Variants in MTOR observed in about 807,000 individuals in gnomAD.
MTOR encodes the protein mechanistic target of rapamycin kinase.
MTOR carries 70 observed loss-of-function variants against 319.8 expected under a neutral mutation model. The observed-to-expected ratio is 0.22, with a 90% CI of 0.18 to 0.27. The LOEUF (loss-of-function observed/expected upper bound fraction) is 0.27, where lower values mean the gene tolerates loss of function less well. Ranked by LOEUF, MTOR falls within the 10% of genes least tolerant of loss-of-function variation. MTOR has a pLI of 1.00. For synonymous variants in MTOR, 1,183 were observed against 1,211.4 expected (o/e 0.98, Z 0.49); for missense variants, 1,890 against 3,274.4 (o/e 0.58, Z 10.32).
intron 34 of MTOR, among the ~76,000 whole-genome samples, chr1:11,140,318 G>A (rs1570971892): frequency 8.7e-6 from 1 of 114,974 alleles, no homozygotes; most frequent in Admixed American, 1.1e-4. Context: ...TTGGGTGGGG[G>A]GCGGGGGGAT....
At chr1:11,160,203 C>T (rs1018300072) in intron 29 of MTOR, among the ~76,000 whole-genome samples, 12 of 152,002 alleles carry the variant, frequency 7.9e-5, no homozygotes, top group African/African-American at 1.2e-4. Flanking sequence ...CAGGTTCAAG[C>T]GATTCTCCTG....
At position 11,126,882 on chromosome 1, in the gene MTOR, TAAC is replaced by T. The variant is rs1642865328; in HGVS notation, c.6352-89_6352-87del. On this transcript the variant is annotated intron_variant, in intron 45 of 57. Transcript: ENST00000361445. ...TAAGTATTTTTCAGTGGATTGCTAA[TAAC>T]AATTACTTGTCCCAAAGCAGAAGTA... 11 of 1,576,688 alleles carry T rather than the reference TAAC, an allele frequency of 7.0e-6. No homozygotes were observed. The South Asian group carries it at 1.2e-4, about 17-fold the overall frequency.
At chr1:11,180,185 G>A (rs1422176964) in intron 28 of MTOR, among the ~76,000 whole-genome samples, 1 of 152,104 alleles carries the variant, frequency 6.6e-6, no homozygotes, top group Non-Finnish European at 1.5e-5. Context: ...GATTATAGGA[G>A]TGAGCCACTG....
chr1:11,211,837 A>C (rs966986419), intron 23 of MTOR, among the ~76,000 whole-genome samples: 2 of 152,140 alleles, frequency 1.3e-5, no homozygotes, highest in African/African-American at 4.8e-5. Flanking sequence ...CTGAAGTCAC[A>C]CTGCTTTCCT....
At chr1:11,141,567 C>T (rs965279071) in intron 34 of MTOR, among the ~76,000 whole-genome samples, 6 of 151,768 alleles carry the variant, frequency 4.0e-5, no homozygotes, top group Admixed American at 1.3e-4. Context: ...CGGGGTTTTG[C>T]TATGTTGGCC....
At chr1:11,189,576 A>G in intron 28 of MTOR, 1 of 1,591,264 alleles carries the variant, frequency 6.3e-7, no homozygotes, top group Non-Finnish European at 8.6e-7. Flanking sequence ...CAAACCCACA[A>G]AAGATGCTGA....
rs759195585 is a variant in MTOR at position 11,128,470 on chromosome 1, C to G, written c.5894G>C (p.Gly1965Ala). 4 of 1,614,122 alleles carry G rather than the reference C, an allele frequency of 2.5e-6. No individual in the cohort carries two copies. The highest frequency in any genetic ancestry group is 3.4e-6 in the Non-Finnish European group (4 of 1,180,026). ...TCCACATACCTGGGGGTGGTACCGA[C>G]CAATGTCTGTGAGAAGCTGGTGAAT... ...RLIHQLLTDI[G>A]RYHPQALIYP... Residue 1965 changes from glycine (G) to alanine (A), a missense_variant, in exon 42 of 58, where the codon GGT becomes GCT. This residue lies in a region of MTOR where 249 missense variants were observed against 596.2 expected (regional missense o/e 0.42). Coordinates refer to ENST00000361445, the MANE Select transcript of MTOR (RefSeq NM_004958.4). The surrounding 1 kb of genome is among the most constrained non-coding windows in gnomAD (Gnocchi z 5.3).
chr1:11,195,713 T>C (rs1041152243), intron 28 of MTOR: 1 of 152,730 alleles, frequency 6.5e-6, no homozygotes, highest in African/African-American at 2.4e-5. Flanking sequence ...GGACAGAGTC[T>C]CTCATGGATG....
intron 29 of MTOR, among the ~76,000 whole-genome samples, chr1:11,166,024 G>A (rs1484397882): frequency 6.6e-6 from 1 of 152,160 alleles, no homozygotes; most frequent in African/African-American, 2.4e-5. Flanking sequence ...ATGGTGCTGG[G>A]AAAACTGGCT....
chr1:11,144,613 T>C lies in MTOR; in HGVS notation c.4872+35A>G. ...ACCCAGGTCCTGGAAGGGGTAGGGG[T>C]AGGTGGGTGAACTGGGGCTTTCTAC... On this transcript the variant is annotated intron_variant, in intron 34 of 57. Transcript: ENST00000361445. The C allele has an allele frequency of 1.9e-6, 3 of 1,592,024 alleles. No individual in the cohort carries two copies. The South Asian group carries it at 3.3e-5, about 18-fold the overall frequency.
chr1:11,230,743 A>T lies in MTOR; in HGVS notation c.2779+182T>A, dbSNP rs28730688. ...AGACAGACATGAGGACTCTGGCCAC[A>T]ATGGGAAGCAGCAACCCTTCCGGGA... On this transcript the variant is annotated intron_variant, in intron 18 of 57. Transcript: ENST00000361445. Among the ~76,000 whole-genome samples, 1,193 of 152,326 alleles carry T rather than the reference A, an allele frequency of 7.8e-3. 19 individuals carry two copies. The highest frequency in any genetic ancestry group is 0.027 in the African/African-American group (1,102 of 41,582).
intron 2 of MTOR, among the ~76,000 whole-genome samples, chr1:11,258,861 G>C (rs1557500253): frequency 6.6e-6 from 1 of 152,290 alleles, no homozygotes; most frequent in East Asian, 1.9e-4. Context: ...GATAAAAGGA[G>C]AAACAAGATA....
chr1:11,244,623 T>A (rs976345056), intron 8 of MTOR, among the ~76,000 whole-genome samples: 4 of 149,800 alleles, frequency 2.7e-5, no homozygotes, highest in African/African-American at 1.0e-4. Context: ...AGAGCAAGAC[T>A]CTGTCTCAGA....
At chr1:11,144,437 A>G (rs1643857222) in intron 34 of MTOR, 1 of 525,554 alleles carries the variant, frequency 1.9e-6, no homozygotes, top group Non-Finnish European at 3.4e-6. Context: ...GAAGAGAATA[A>G]GAAGAGACTG....
At chr1:11,240,580 G>A in intron 10 of MTOR, 33 bp from the exon 11 acceptor site, 4 of 1,603,212 alleles carry the variant, frequency 2.5e-6, no homozygotes, top group South Asian at 1.1e-5. Context: ...CATAAGGGCT[G>A]GGCACATGAC....
At position 11,109,192 on chromosome 1, in the gene MTOR, C is replaced by T. The variant is rs1297564622; in HGVS notation, c.7528+98G>A. On this transcript the variant is annotated intron_variant, in intron 56 of 57. Coordinates refer to ENST00000361445, the MANE Select transcript of MTOR (RefSeq NM_004958.4). The surrounding 1 kb of genome is among the most constrained non-coding windows in gnomAD (Gnocchi z 4.0). Reference sequence around the variant, plus strand: ...TTGTCAGCTGCATGGTGCCAAAGCTCGTCACTAACACCACTGGACATGGGG... The same window carrying T: ...TTGTCAGCTGCATGGTGCCAAAGCTTGTCACTAACACCACTGGACATGGGG... 13 of 1,040,746 alleles carry T rather than the reference C, an allele frequency of 1.2e-5. No individual in the cohort carries two copies. Among genetic ancestry groups the T allele is most frequent in the South Asian group, 1.0e-4 (7 of 66,756 alleles). The allele number at this position is 1,040,746 out of a possible 1,614,324, so 64.5% of individuals were successfully genotyped here.
chr1:11,246,192 C>A lies in MTOR; in HGVS notation c.1225+1433G>T, dbSNP rs1648789713. 2.0e-5 allele frequency among the ~76,000 whole-genome samples: 3 copies of A among 152,144 alleles called. No homozygotes were observed. In the South Asian group the frequency reaches 6.2e-4, roughly 32 times the overall value. ...TGACTAACCTTAAAAAAGAGAGCAA[C>A]AACAATAACAAACACCCACATCAAA... On this transcript the variant is annotated intron_variant, in intron 8 of 57. Coordinates refer to ENST00000361445, the MANE Select transcript of MTOR (RefSeq NM_004958.4).
chr1:11,187,481 G>A (rs1316023183), intron 28 of MTOR, among the ~76,000 whole-genome samples: 4 of 152,254 alleles, frequency 2.6e-5, no homozygotes, highest in South Asian at 2.1e-4. Flanking sequence ...TGCTGCCACC[G>A]ATCTGACAGG....
intron 28 of MTOR, among the ~76,000 whole-genome samples, chr1:11,191,167 T>C (rs978431843): frequency 6.6e-6 from 1 of 152,198 alleles, no homozygotes; most frequent in African/African-American, 2.4e-5. Context: ...AAGGAGGTTC[T>C]TGGGGTCAAG....
Sources: gnomAD v4.1 joint callset for allele counts (sites outside exome capture counted in the v4.1 genomes callset) on GRCh38, gnomAD v4.1.1 for gene constraint, gnomAD v4.1.1 regional missense constraint, Gnocchi (gnomAD v3.1) non-coding constraint, MANE v1.5 for transcripts, NCBI Gene and HGNC (gene_info 2026-07-23, HGNC 2026-07-21) for gene names.